SMG6: variants seen among roughly 807,000 people sequenced by gnomAD.
The protein encoded by SMG6 is SMG6 nonsense mediated mRNA decay factor.
SMG6 carries 66 observed loss-of-function variants against 142.2 expected under a neutral mutation model. The ratio of observed to expected loss-of-function variants is 0.46; its 90% CI spans 0.38 to 0.57. The LOEUF (loss-of-function observed/expected upper bound fraction) is 0.57. Among genes scored for constraint, SMG6 ranks in the 20% least tolerant of loss-of-function variants. The probability of loss-of-function intolerance (pLI) is 0.00; values close to 1 mark genes in which losing one functional copy is unlikely to be tolerated. For missense variants in SMG6, 1,793 were observed against 1,832.0 expected (o/e 0.98, Z 0.39); for synonymous variants, 779 against 702.4 (o/e 1.11, Z -1.72).
intron 13 of SMG6, among the ~76,000 whole-genome samples, chr17:2,149,148 G>A (rs908920116): frequency 2.0e-5 from 3 of 151,880 alleles, no homozygotes; most frequent in Non-Finnish European, 4.4e-5. Flanking sequence ...TCAGGAGTTC[G>A]AGACCAGCCT....
Position 2,120,088 on chromosome 17 carries a change from G to A in SMG6, c.3358-34187C>T, listed in dbSNP as rs539974624. Among the ~76,000 whole-genome samples the A allele has an allele frequency of 2.6e-5, 4 of 152,194 alleles. No homozygotes were observed. In the East Asian group the frequency reaches 7.7e-4, roughly 29 times the overall value. Reference sequence around the variant, plus strand: ...CTCCCAAAGTGCTGGGATTCCACGCGTGAGCCACCGCGCCCGGCCTCCATA... The same window carrying A: ...CTCCCAAAGTGCTGGGATTCCACGCATGAGCCACCGCGCCCGGCCTCCATA... On this transcript the variant is annotated intron_variant, in intron 13 of 18. Transcript: ENST00000263073.
intron 15 of SMG6, among the ~76,000 whole-genome samples, chr17:2,070,215 C>A (rs1019603491): frequency 6.6e-6 from 1 of 152,226 alleles, no homozygotes; most frequent in African/African-American, 2.4e-5. Flanking sequence ...TGGCAGCGGC[C>A]CTTCGAGACC....
At chr17:2,065,970 C>T (rs1259845846) in intron 16 of SMG6, 3 of 466,242 alleles carry the variant, frequency 6.4e-6, no homozygotes, top group Non-Finnish European at 1.2e-5. Context: ...GAAATCTGGT[C>T]CCTCTATTGC....
chr17:2,211,206 A>G (rs1247952346), intron 10 of SMG6, among the ~76,000 whole-genome samples: 3 of 152,144 alleles, frequency 2.0e-5, no homozygotes, highest in Non-Finnish European at 1.5e-5. Context: ...TAACAATCAT[A>G]AAAAATAAGA....
chr17:2,218,406 G>T lies in SMG6; in HGVS notation c.2869+18086C>A, dbSNP rs1168135000. Among the ~76,000 whole-genome samples the T allele has an allele frequency of 3.3e-5, 5 of 152,096 alleles. No homozygotes were observed. In the South Asian group the frequency reaches 1.0e-3, roughly 32 times the overall value. On this transcript the variant is annotated intron_variant, in intron 10 of 18. Coordinates refer to ENST00000263073, the MANE Select transcript of SMG6 (RefSeq NM_017575.5). ...CTACTAAAAATACAAAAAATTAGCC[G>T]GACACGGTGGCGGGCGCCTGTAGCC...
chr17:2,186,928 G>T, intron 11 of SMG6, 97 bp from the exon 12 acceptor site: 1 of 1,324,550 alleles, frequency 7.5e-7, no homozygotes, highest in South Asian at 1.4e-5. Context: ...AGGGAAGGGA[G>T]ACCAAGTCCA....
intron 13 of SMG6, among the ~76,000 whole-genome samples, chr17:2,093,698 T>A (rs73976198): frequency 0.018 from 2,715 of 152,280 alleles, 73 homozygotes; most frequent in African/African-American, 0.06. Flanking sequence ...AAATTTTTTT[T>A]AAATTTGTCC....
intron 12 of SMG6, among the ~76,000 whole-genome samples, chr17:2,178,614 C>G (rs553613321): frequency 6.6e-6 from 1 of 152,326 alleles, no homozygotes; most frequent in South Asian, 2.1e-4. Context: ...TAACCTCGTT[C>G]CAGGATTTCT....
intron 8 of SMG6, among the ~76,000 whole-genome samples, chr17:2,270,541 G>A (rs2074522531): frequency 6.6e-6 from 1 of 152,166 alleles, no homozygotes; most frequent in Non-Finnish European, 1.5e-5. Context: ...CTGGGAGATG[G>A]AGGCTTCAGT....
At chr17:2,126,697 C>G (rs1044241005) in intron 13 of SMG6, among the ~76,000 whole-genome samples, 1 of 132,050 alleles carries the variant, frequency 7.6e-6, no homozygotes. Flanking sequence ...GCCTGGGCAA[C>G]AGAGTGAGGC....
chr17:2,184,960 C>CAAAA (rs58230459), intron 12 of SMG6, among the ~76,000 whole-genome samples: 747 of 22,478 alleles, frequency 0.033, 268 homozygotes, highest in African/African-American at 0.1. Context: ...GACTCCATCT[C>CAAAA]AAAAAAAAAA....
chr17:2,249,728 A>C (rs955858238), intron 8 of SMG6, among the ~76,000 whole-genome samples: 8 of 152,194 alleles, frequency 5.3e-5, no homozygotes, highest in Admixed American at 6.5e-5. Flanking sequence ...TCTTCCTTAC[A>C]TATTTACCTA....
At chr17:2,188,980 C>A (rs952087747) in intron 10 of SMG6, among the ~76,000 whole-genome samples, 1 of 152,182 alleles carries the variant, frequency 6.6e-6, no homozygotes, top group Non-Finnish European at 1.5e-5. Flanking sequence ...CGCCCGATCT[C>A]GTCTAAAAAT....
chr17:2,291,870 A>C (rs571429545), intron 6 of SMG6, among the ~76,000 whole-genome samples: 1 of 144,652 alleles, frequency 6.9e-6, no homozygotes, highest in Non-Finnish European at 1.5e-5. Flanking sequence ...AAAAAAAAAA[A>C]AGAGAGAGAC....
At chr17:2,141,772 C>T (rs1322448212) in intron 13 of SMG6, among the ~76,000 whole-genome samples, 2 of 152,124 alleles carry the variant, frequency 1.3e-5, no homozygotes, top group Non-Finnish European at 2.9e-5. Context: ...GTGACTGTCT[C>T]ATAATAGAGT....
At chr17:2,279,556 T>G (rs1355519689) in intron 8 of SMG6, among the ~76,000 whole-genome samples, 1 of 152,250 alleles carries the variant, frequency 6.6e-6, no homozygotes, top group Non-Finnish European at 1.5e-5. Context: ...AAGACCATTA[T>G]GAACTTCTTT....
At chr17:2,174,838 T>C (rs2071609690) in intron 12 of SMG6, among the ~76,000 whole-genome samples, 1 of 152,144 alleles carries the variant, frequency 6.6e-6, no homozygotes, top group Non-Finnish European at 1.5e-5. Context: ...AGCTCCTTTG[T>C]GATGTAATGG....
chr17:2,066,282 G>T (rs919252636), intron 16 of SMG6, among the ~76,000 whole-genome samples: 1 of 149,578 alleles, frequency 6.7e-6, no homozygotes, highest in Non-Finnish European at 1.5e-5. Context: ...CTGTGTGCGT[G>T]TATGTGTCTG....
intron 13 of SMG6, among the ~76,000 whole-genome samples, chr17:2,150,105 C>T (rs772476058): frequency 1.3e-5 from 2 of 152,176 alleles, no homozygotes; most frequent in South Asian, 2.1e-4. Context: ...AGGAAGAGAG[C>T]GGTCAAAGCA....
Sources: allele counts gnomAD v4.1 joint callset (sites outside exome capture counted in the v4.1 genomes callset), GRCh38; gene constraint gnomAD v4.1.1; transcripts MANE v1.5; gene names NCBI Gene and HGNC (gene_info 2026-07-23, HGNC 2026-07-21).